Variants in ACCS observed in about 807,000 individuals in gnomAD.
The protein encoded by ACCS is 1-aminocyclopropane-1-carboxylate synthase homolog (inactive), also known as 1-aminocyclopropane-1-carboxylate synthase-like protein 1.
ACCS carries 42 observed loss-of-function variants against 59.8 expected under a neutral mutation model. The observed-to-expected ratio is 0.70, with a 90% CI of 0.55 to 0.91. The LOEUF (loss-of-function observed/expected upper bound fraction) is 0.91, where lower values mean the gene tolerates loss of function less well. ACCS is among the 40% of genes least tolerant of loss of function. The probability of loss-of-function intolerance (pLI) is 0.00; values close to 1 mark genes in which losing one functional copy is unlikely to be tolerated. For synonymous variants in ACCS, 230 were observed against 240.3 expected, an observed-to-expected ratio of 0.96 and a Z score of 0.40; for missense variants, 602 against 630.4, an observed-to-expected ratio of 0.95 and a Z score of 0.48.
intron 9 of ACCS, chr11:44,078,992 G>T (rs2074044): frequency 0.43 from 238,942 of 561,024 alleles, 52,199 homozygotes; most frequent in African/African-American, 0.55. Context: ...CTATCAATTA[G>T]CGCACACTCT....
chr11:44,083,468 C>T lies in ACCS; in HGVS notation c.1299C>T (p.Arg433=). 2.5e-6 allele frequency: 4 copies of T among 1,614,220 alleles called. No individual in the cohort carries two copies. The highest frequency in any genetic ancestry group is 3.4e-6 in the Non-Finnish European group (4 of 1,180,034). Residue 433 remains arginine, a synonymous_variant, in exon 14 of 15, where the codon CGC becomes CGT. Transcript: ENST00000263776. ...TTGAGGAGGAAATGCTGCTCTGGCG[C>T]CGCTTTTTGGACAACAAGGTGCTGC... ...GTFEEEMLLW[R]RFLDNKVLLS...
chr11:44,072,965 GA>G (rs1429536490), intron 3 of ACCS, among the ~76,000 whole-genome samples: 2 of 152,216 alleles, frequency 1.3e-5, no homozygotes, highest in African/African-American at 2.4e-5. Context: ...ACTGGTCATG[GA>G]ATGGGTGGTC....
intron 2 of ACCS, 124 bp downstream of exon 2, chr11:44,068,039 C>T: frequency 1.9e-6 from 2 of 1,074,026 alleles, no homozygotes; most frequent in Non-Finnish European, 2.6e-6. Context: ...CTCTGACCTC[C>T]AAGAGGGCTT....
At position 44,081,085 on chromosome 11, in the gene ACCS, T is replaced by TG; in HGVS notation, c.969+25dup. The TG allele has an allele frequency of 3.7e-6, 6 of 1,613,902 alleles. No individual in the cohort carries two copies. Among genetic ancestry groups the TG allele is most frequent in the Non-Finnish European group, 5.1e-6 (6 of 1,179,952 alleles). ...AGCAAGGTGAGTTCCTGGCTGGCCTTGGGGGTGTCAGAAGGGTGGGAGGGC... is the reference window on the plus strand; with the variant it reads ...AGCAAGGTGAGTTCCTGGCTGGCCTTGGGGGGTGTCAGAAGGGTGGGAGGGC... On this transcript the variant is annotated intron_variant, in intron 11 of 14. Transcript: ENST00000263776.
chr11:44,073,546 C>A (rs370146853), intron 4 of ACCS, 29 bp downstream of exon 4: 39 of 1,581,708 alleles, frequency 2.5e-5, no homozygotes, highest in Non-Finnish European at 3.0e-5. Flanking sequence ...GTGAGTTTGT[C>A]CCCCTGGGGA....
intron 10 of ACCS, chr11:44,080,577 AATT>A: frequency 1.6e-5 from 3 of 181,904 alleles, no homozygotes; most frequent in South Asian, 1.3e-4. Context: ...GTAGAACTTT[AATT>A]TCTAGCCAGA....
At chr11:44,079,496 C>G (rs1419359322) in intron 9 of ACCS, 35 bp from the exon 10 acceptor site, 3 of 1,574,190 alleles carry the variant, frequency 1.9e-6, no homozygotes, top group Non-Finnish European at 8.7e-7. Context: ...GCCCTACACA[C>G]TAAGTCTCTC....
At chr11:44,080,847 C>G in intron 10 of ACCS, 173 bp from the exon 11 acceptor site, 1 of 738,212 alleles carries the variant, frequency 1.4e-6, no homozygotes, top group South Asian at 1.8e-5. Flanking sequence ...CTGTCATTTG[C>G]TAACCCCTGC....
chr11:44,083,113 G>A, intron 12 of ACCS, 56 bp from the exon 13 acceptor site: 2 of 1,595,166 alleles, frequency 1.3e-6, no homozygotes, highest in Non-Finnish European at 8.6e-7. Flanking sequence ...TAGACTAGTG[G>A]GACCAAGTAG....
In ACCS at chr11:44,078,164, C is replaced by T. The variant is rs574140781; in HGVS notation, c.732+242C>T. 1.0e-4 allele frequency: 55 copies of T among 526,482 alleles called. No homozygotes were observed. The South Asian group carries it at 1.1e-3, about 10-fold the overall frequency. The allele number at this position is 526,482 out of a possible 1,614,324, so 32.6% of individuals were successfully genotyped here. A position where few individuals can be genotyped will look rare whatever the true frequency, so the allele number is the denominator to read the frequency against. On this transcript the variant is annotated intron_variant, in intron 8 of 14. Transcript: ENST00000263776. The stretch of plus-strand genomic sequence containing the variant: ...ACAGAGAATCAACCAGGGAGCATCA[C>T]TAAAGATACCCCCATCCCTGATCCA...
chr11:44,081,065 G>T lies in ACCS; in HGVS notation c.969G>T (p.Lys323Asn). Residue 323 changes from lysine to asparagine, a missense_variant and splice_region_variant, in exon 11 of 15, where the codon AAG becomes AAT. Physicochemically the swap from Lys to Asn is moderately conservative, Grantham distance 94. Coordinates refer to ENST00000263776, the MANE Select transcript of ACCS (RefSeq NM_032592.4). ...CCCATGTGATGTGGGCAACCAGCAA[G>T]GTGAGTTCCTGGCTGGCCTTGGGGG... is the stretch of plus-strand genomic sequence containing the variant. Reference protein sequence around the residue: ...QRTHVMWATSKDFGMSGLRFG... With the variant: ...QRTHVMWATSNDFGMSGLRFG... 2 of 1,614,248 alleles carry T rather than the reference G, an allele frequency of 1.2e-6. No homozygotes were observed. The highest frequency in any genetic ancestry group is 1.7e-6 in the Non-Finnish European group (2 of 1,180,052).
chr11:44,074,778 C>CTTTCTCTCTTTCTTTCTTTCTTTCTT, intron 5 of ACCS, 97 bp downstream of exon 5: 1 of 168,136 alleles, frequency 5.9e-6, no homozygotes, highest in East Asian at 1.6e-4. Flanking sequence ...CTTTCTTTTT[C>CTTTCTCTCTTTCTTTCTTTCTTTCTT]TCTCTCTCTC....
chr11:44,078,745 C>G lies in ACCS; in HGVS notation c.794C>G (p.Ser265Cys), dbSNP rs768714577. 9 of 1,614,054 alleles carry G rather than the reference C, an allele frequency of 5.6e-6. No individual in the cohort carries two copies. The highest frequency in any genetic ancestry group is 7.6e-6 in the Non-Finnish European group (9 of 1,180,006). ...CAGAACCCTCTGGGTGATGTATACTCCCCTGAAGAGCTACAGGAGTACCTG... is the reference window on the plus strand; with the variant it reads ...CAGAACCCTCTGGGTGATGTATACTGCCCTGAAGAGCTACAGGAGTACCTG... Reference protein sequence around the residue: ...SPQNPLGDVYSPEELQEYLVF... With the variant: ...SPQNPLGDVYCPEELQEYLVF... The change falls in exon 9 of 15, where the codon TCC becomes TGC. Residue 265 changes from serine (S) to cysteine (C), a missense_variant. By Grantham distance (112) the Ser-to-Cys change is moderately radical (BLOSUM62 -1). Transcript: ENST00000263776.
At position 44,083,953 on chromosome 11, in the gene ACCS, G is replaced by A; in HGVS notation, c.*161G>A. Reference sequence around the variant, plus strand: ...TTCTTGTCTTTCGCTGTAGCAGTGGGAAACTCCTTAAGCTGTGGTTCAGCC... The same window carrying A: ...TTCTTGTCTTTCGCTGTAGCAGTGGAAAACTCCTTAAGCTGTGGTTCAGCC... On this transcript the variant is annotated 3_prime_UTR_variant, in exon 15 of 15. Coordinates refer to ENST00000263776, the MANE Select transcript of ACCS (RefSeq NM_032592.4). 5.6e-6 allele frequency: 8 copies of A among 1,436,820 alleles called. No individual in the cohort carries two copies. The South Asian group carries it at 1.0e-4, about 18-fold the overall frequency. The allele number at this position is 1,436,820 out of a possible 1,614,324, so 89.0% of individuals were successfully genotyped here.
intron 12 of ACCS, among the ~76,000 whole-genome samples, chr11:44,082,457 C>A (rs573546822): frequency 6.6e-6 from 1 of 152,258 alleles, no homozygotes; most frequent in South Asian, 2.1e-4. Context: ...CAATAAAATC[C>A]GTGGCAGTAT....
chr11:44,067,549 C>T (rs1234972587), intron 1 of ACCS, 79 bp from the exon 2 acceptor site: 15 of 1,443,790 alleles, frequency 1.0e-5, no homozygotes, highest in East Asian at 9.1e-5. Flanking sequence ...AAAGGGGACT[C>T]CCATGACTCC....
Position 44,083,487 on chromosome 11 carries a change from G to A in ACCS, c.1318G>A (p.Val440Met), listed in dbSNP as rs772190083. The A allele has an allele frequency of 4.3e-6, 7 of 1,614,234 alleles. No individual in the cohort carries two copies. In the Admixed American group the frequency reaches 5.0e-5, roughly 12 times the overall value. ...CTGGCGCCGCTTTTTGGACAACAAG[G>A]TGCTGCTGTCCTTTGGCAAGGCCTT... ...LLWRRFLDNKVLLSFGKAFEC... is the reference protein window; with the variant it reads ...LLWRRFLDNKMLLSFGKAFEC... Residue 440 changes from valine (V) to methionine (M), a missense_variant, in exon 14 of 15, where the codon GTG (valine) becomes ATG (methionine). Val to Met is a conservative substitution (Grantham distance 21). Transcript: ENST00000263776.
At chr11:44,080,117 G>GC (rs1345238942) in intron 10 of ACCS, among the ~76,000 whole-genome samples, 2 of 152,214 alleles carry the variant, frequency 1.3e-5, no homozygotes, top group Non-Finnish European at 2.9e-5. Flanking sequence ...AGGCACACTG[G>GC]CCCATGCCTG....
rs1953758994 is a variant in ACCS at position 44,084,032 on chromosome 11, T to C, written c.*240T>C. On this transcript the variant is annotated 3_prime_UTR_variant, in exon 15 of 15. Transcript: ENST00000263776. The stretch of plus-strand genomic sequence containing the variant: ...AACTAGGAGAGTCCATATGTCTCCA[T>C]TGTGAGTTATTTAGAATGGAGGAGT... 8.3e-6 allele frequency: 6 copies of C among 726,600 alleles called. No homozygotes were observed. The South Asian group carries it at 9.0e-5, about 11-fold the overall frequency. The allele number at this position is 726,600 out of a possible 1,614,324, so 45.0% of individuals were successfully genotyped here. A position where few individuals can be genotyped will look rare whatever the true frequency, so the allele number is the denominator to read the frequency against.
Sources: allele counts gnomAD v4.1 joint callset (sites outside exome capture counted in the v4.1 genomes callset), GRCh38; gene constraint gnomAD v4.1.1; transcripts MANE v1.5; gene names NCBI Gene and HGNC (gene_info 2026-07-23, HGNC 2026-07-21).